The following RBFOX1 variants were observed in gnomAD, a reference collection of about 807,000 sequenced individuals.
The protein encoded by RBFOX1 is RNA binding fox-1 homolog 1.
A neutral mutation model predicts 57.7 loss-of-function variants in RBFOX1; 8 were observed. That is an observed-to-expected ratio of 0.14 (90% CI 0.08 to 0.25). The LOEUF is 0.25. RBFOX1 is among the 10% of genes least tolerant of loss of function. The probability of loss-of-function intolerance (pLI) is 1.00; values close to 1 mark genes in which losing one functional copy is unlikely to be tolerated. For missense variants in RBFOX1, 611 were observed against 548.5 expected, an observed-to-expected ratio of 1.11 and a Z score of -1.14; for synonymous variants, 326 against 222.4, an observed-to-expected ratio of 1.47 and a Z score of -4.15.
At chr16:5,508,038 T>G (rs1192548193) in intron 2 of RBFOX1, among the ~76,000 whole-genome samples, 1 of 152,000 alleles carries the variant, frequency 6.6e-6, no homozygotes, top group Non-Finnish European at 1.5e-5. Flanking sequence ...TGGGGAAAAA[T>G]GTAGAAGGGA....
At chr16:6,859,697 C>CT (rs1483837953) in intron 3 of RBFOX1, among the ~76,000 whole-genome samples, 3 of 152,136 alleles carry the variant, frequency 2.0e-5, no homozygotes, top group Non-Finnish European at 2.9e-5. Context: ...TTTTAATCGA[C>CT]TACGGTATCA....
chr16:7,044,577 C>G lies in RBFOX1; in HGVS notation c.-15-7480C>G, dbSNP rs572647798. 2.0e-5 allele frequency among the ~76,000 whole-genome samples: 3 copies of G among 152,166 alleles called. No homozygotes were observed. The East Asian group carries it at 5.8e-4, about 29-fold the overall frequency. ...TAACCTTTCATAAGTGCTTACTTGG[C>G]AGCCCTTTCAAGAGTGGTATTTGAT... On this transcript the variant is annotated intron_variant, in intron 3 of 15. Transcript: ENST00000550418.
intron 3 of RBFOX1, among the ~76,000 whole-genome samples, chr16:5,751,434 A>C (rs1238481961): frequency 6.6e-6 from 1 of 152,214 alleles, no homozygotes; most frequent in Non-Finnish European, 1.5e-5. Context: ...GTCTCCACCC[A>C]ATAGAGAAGT....
chr16:6,764,627 G>C (rs182566699), intron 3 of RBFOX1, among the ~76,000 whole-genome samples: 75 of 152,242 alleles, frequency 4.9e-4, no homozygotes, highest in African/African-American at 1.6e-3. Context: ...AACAATTAGA[G>C]ATGATAATTA....
intron 7 of RBFOX1, among the ~76,000 whole-genome samples, chr16:7,590,808 G>A (rs1249478510): frequency 4.7e-5 from 7 of 147,778 alleles, no homozygotes; most frequent in African/African-American, 1.0e-4. Flanking sequence ...GCAGTGAGCC[G>A]AGATCAAGAC....
At chr16:6,662,096 G>A (rs2098704945) in intron 3 of RBFOX1, among the ~76,000 whole-genome samples, 1 of 148,496 alleles carries the variant, frequency 6.7e-6, no homozygotes, top group Non-Finnish European at 1.5e-5. Context: ...ACTCAAAGAA[G>A]CAGAGAGTAG....
intron 2 of RBFOX1, among the ~76,000 whole-genome samples, chr16:5,555,543 A>G (rs2045636387): frequency 6.6e-6 from 1 of 151,610 alleles, no homozygotes; most frequent in Non-Finnish European, 1.5e-5. Flanking sequence ...GAGCCACTGC[A>G]CGGGGCCTTG....
chr16:6,687,136 A>G (rs1274433371), intron 3 of RBFOX1, among the ~76,000 whole-genome samples: 1 of 152,196 alleles, frequency 6.6e-6, no homozygotes, highest in East Asian at 1.9e-4. Context: ...TACTTGGGGC[A>G]TCCATAGAAA....
intron 1 of RBFOX1, among the ~76,000 whole-genome samples, chr16:6,253,309 A>C (rs563470701): frequency 6.6e-6 from 1 of 152,300 alleles, no homozygotes; most frequent in African/African-American, 2.4e-5. Context: ...GCTCTCTGCA[A>C]AGTCATCACA....
chr16:7,085,513 C>T (rs1406865133), intron 4 of RBFOX1, among the ~76,000 whole-genome samples: 1 of 152,144 alleles, frequency 6.6e-6, no homozygotes, highest in Non-Finnish European at 1.5e-5. Flanking sequence ...ACCACCACTG[C>T]ATCCCGGGTG....
intron 4 of RBFOX1, among the ~76,000 whole-genome samples, chr16:7,437,042 C>A (rs1278879110): frequency 6.6e-6 from 1 of 152,152 alleles, no homozygotes; most frequent in Non-Finnish European, 1.5e-5. Context: ...GATCACACCA[C>A]TGCACTCCAG....
At chr16:5,283,021 C>T (rs986054386) in intron 1 of RBFOX1, among the ~76,000 whole-genome samples, 2 of 152,184 alleles carry the variant, frequency 1.3e-5, no homozygotes, top group East Asian at 3.9e-4. Context: ...CTGTGAGCAG[C>T]CTAGGGTGCC....
At chr16:5,981,493 G>C (rs948012461) in intron 4 of RBFOX1, among the ~76,000 whole-genome samples, 4 of 152,116 alleles carry the variant, frequency 2.6e-5, no homozygotes, top group Non-Finnish European at 4.4e-5. Context: ...TTTTGAGATG[G>C]AGTCTCATTC....
chr16:7,405,894 C>T (rs2098331934), intron 4 of RBFOX1, among the ~76,000 whole-genome samples: 1 of 152,150 alleles, frequency 6.6e-6, no homozygotes, highest in African/African-American at 2.4e-5. Flanking sequence ...TCTGTGTCCC[C>T]AGGGTGCATT....
chr16:5,494,554 C>G (rs140046216), intron 2 of RBFOX1, among the ~76,000 whole-genome samples: 215 of 152,254 alleles, frequency 1.4e-3, no homozygotes, highest in Non-Finnish European at 2.7e-3. Context: ...GGTCTTGGAG[C>G]AAGAGGGAGG....
rs564914964 is a variant in RBFOX1, at chr16:5,399,446, G to A, written c.220-67770G>A. 2.6e-5 allele frequency among the ~76,000 whole-genome samples: 4 copies of A among 152,300 alleles called. No homozygotes were observed. In the South Asian group the frequency reaches 8.3e-4, roughly 32 times the overall value. ...AAATGGAAAATAAAGGAGAAAGTAA[G>A]AATTGCTCTTAATCACCCCATTGGG... On this transcript the variant is annotated intron_variant, in intron 1 of 2. Transcript: ENST00000585867.
intron 4 of RBFOX1, among the ~76,000 whole-genome samples, chr16:7,173,990 C>G (rs796200064): frequency 6.6e-6 from 1 of 152,142 alleles, no homozygotes; most frequent in Admixed American, 6.5e-5. Flanking sequence ...AGAAAGAGTT[C>G]AGTCAATCAC....
chr16:7,126,722 C>G (rs2068648496), intron 4 of RBFOX1: 1 of 151,950 alleles, frequency 6.6e-6, no homozygotes, highest in African/African-American at 2.4e-5. Flanking sequence ...GGTACATTGG[C>G]TCACGCCTGT....
At chr16:7,307,584 C>G (rs1222443106) in intron 4 of RBFOX1, among the ~76,000 whole-genome samples, 2 of 152,156 alleles carry the variant, frequency 1.3e-5, no homozygotes, top group Non-Finnish European at 1.5e-5. Context: ...GCTACGATTT[C>G]TTTTCTTTTC....
Sources: allele counts gnomAD v4.1 joint callset (sites outside exome capture counted in the v4.1 genomes callset), GRCh38; gene constraint gnomAD v4.1.1; transcripts MANE v1.5; gene names NCBI Gene and HGNC (gene_info 2026-07-23, HGNC 2026-07-21).